ARHGAP10: variants seen among roughly 807,000 people sequenced by gnomAD.
The protein encoded by ARHGAP10 is Rho GTPase activating protein 10.
In ARHGAP10, 87 loss-of-function variants were observed where a neutral mutation model predicts 108.6. That is an observed-to-expected ratio of 0.80 (90% confidence interval 0.67 to 0.96). The LOEUF is 0.96. Ranked by LOEUF, ARHGAP10 falls within the 40% of genes least tolerant of loss-of-function variation. The pLI, the probability that ARHGAP10 is intolerant of heterozygous loss-of-function variation, is 0.00. For missense variants in ARHGAP10, 939 were observed against 954.5 expected (o/e 0.98, Z 0.21); for synonymous variants, 347 against 341.1 (o/e 1.02, Z -0.19).
At chr4:147,795,696 TTTAA>T (rs2126752669) in intron 1 of ARHGAP10, among the ~76,000 whole-genome samples, 1 of 151,238 alleles carries the variant, frequency 6.6e-6, no homozygotes, top group South Asian at 2.1e-4. Flanking sequence ...TTTAATTTAA[TTTAA>T]TTTTTTTTTT....
At chr4:147,827,046 G>A (rs1732736673) in intron 3 of ARHGAP10, among the ~76,000 whole-genome samples, 1 of 152,002 alleles carries the variant, frequency 6.6e-6, no homozygotes, top group African/African-American at 2.4e-5. Flanking sequence ...ATTTGCCTCG[G>A]AAACCTTTAA....
intron 12 of ARHGAP10, among the ~76,000 whole-genome samples, chr4:147,912,861 A>G (rs1244237759): frequency 1.3e-5 from 2 of 151,636 alleles, no homozygotes; most frequent in Non-Finnish European, 2.9e-5. Flanking sequence ...TTCCCCAGGC[A>G]AGTCAGGAAC....
intron 1 of ARHGAP10, among the ~76,000 whole-genome samples, chr4:147,739,770 T>C (rs1728580448): frequency 6.6e-6 from 1 of 151,848 alleles, no homozygotes; most frequent in African/African-American, 2.4e-5. Context: ...AGTTTCGCTT[T>C]TGTTGCCCAG....
At chr4:147,884,861 A>G (rs1201974387) in intron 10 of ARHGAP10, among the ~76,000 whole-genome samples, 2 of 152,338 alleles carry the variant, frequency 1.3e-5, no homozygotes, top group East Asian at 3.9e-4. Flanking sequence ...AACTTAATCC[A>G]TTAAATAGTT....
At chr4:147,919,576 T>C (rs200079677) in intron 13 of ARHGAP10, among the ~76,000 whole-genome samples, 41 of 140,222 alleles carry the variant, frequency 2.9e-4, no homozygotes, top group South Asian at 4.7e-4. Context: ...AATTTTTTTT[T>C]CTTTTTTTTT....
intron 13 of ARHGAP10, among the ~76,000 whole-genome samples, chr4:147,914,567 C>CT (rs1560824096): frequency 1.8e-4 from 9 of 49,876 alleles, no homozygotes; most frequent in African/African-American, 3.8e-4. Flanking sequence ...CCCCCCCCCC[C>CT]CTTTTTTTTT....
intron 7 of ARHGAP10, among the ~76,000 whole-genome samples, chr4:147,868,778 G>A (rs1418690657): frequency 1.3e-5 from 2 of 152,092 alleles, no homozygotes; most frequent in Admixed American, 6.6e-5. Context: ...AGATCCACGT[G>A]CGCAGTTCAC....
Position 147,891,720 on chromosome 4 carries a change from C to T in ARHGAP10, c.1034+9788C>T, listed in dbSNP as rs551238195. ...ATCACTATAAACTATCACTACATGA[C>T]GTCAGCCACATTTCAGAGACCATGG... On this transcript the variant is annotated intron_variant, in intron 10 of 22. Transcript: ENST00000336498. Among the ~76,000 whole-genome samples the T allele has an allele frequency of 6.6e-5, 10 of 152,220 alleles. No homozygotes were observed. In the South Asian group the frequency reaches 1.2e-3, roughly 19 times the overall value.
chr4:148,019,439 A>G (rs1741479632), intron 18 of ARHGAP10, among the ~76,000 whole-genome samples: 1 of 152,148 alleles, frequency 6.6e-6, no homozygotes, highest in Non-Finnish European at 1.5e-5. Context: ...AGAAAATGAG[A>G]TACACTGTGT....
At chr4:147,983,447 A>G (rs1221735532) in intron 18 of ARHGAP10, among the ~76,000 whole-genome samples, 1 of 151,302 alleles carries the variant, frequency 6.6e-6, no homozygotes, top group Non-Finnish European at 1.5e-5. Context: ...CTCCTCCCAA[A>G]GTGCTGGGAT....
chr4:148,017,860 C>G (rs937920350), intron 18 of ARHGAP10, among the ~76,000 whole-genome samples: 2 of 151,982 alleles, frequency 1.3e-5, no homozygotes, highest in African/African-American at 2.4e-5. Context: ...GTATTTCTGG[C>G]AGAAGTGGTG....
chr4:147,876,421 T>C (rs113307102), intron 8 of ARHGAP10, among the ~76,000 whole-genome samples: 7 of 152,100 alleles, frequency 4.6e-5, no homozygotes, highest in African/African-American at 1.7e-4. Context: ...TGAAACCCTG[T>C]CTCTACTAAA....
chr4:147,780,109 A>G (rs1037186075), intron 1 of ARHGAP10, among the ~76,000 whole-genome samples: 8 of 152,216 alleles, frequency 5.3e-5, no homozygotes, highest in African/African-American at 1.9e-4. Context: ...TTTTCAAAGT[A>G]ATATGTGCTC....
At chr4:147,987,744 C>A (rs972060614) in intron 18 of ARHGAP10, among the ~76,000 whole-genome samples, 1 of 152,124 alleles carries the variant, frequency 6.6e-6, no homozygotes, top group African/African-American at 2.4e-5. Flanking sequence ...TGTGCTGGGT[C>A]AGGTGTAGGC....
intron 20 of ARHGAP10, among the ~76,000 whole-genome samples, chr4:148,061,645 C>G (rs1476255903): frequency 6.6e-6 from 1 of 150,548 alleles, no homozygotes; most frequent in Non-Finnish European, 1.5e-5. Flanking sequence ...CCTTTTTTTC[C>G]TGACCAAAGC....
intron 13 of ARHGAP10, among the ~76,000 whole-genome samples, chr4:147,919,623 A>G (rs1285656619): frequency 6.6e-6 from 1 of 151,830 alleles, no homozygotes; most frequent in Non-Finnish European, 1.5e-5. Context: ...CCCAGACTAG[A>G]GTGCAGTGGC....
chr4:147,817,183 C>T lies in ARHGAP10; in HGVS notation c.155-5544C>T, dbSNP rs116994988. On this transcript the variant is annotated intron_variant, in intron 1 of 22. Transcript: ENST00000336498. The stretch of plus-strand genomic sequence containing the variant: ...TTCAAGCCCAGGATTATAGAACATG[C>T]TGCATTTCTAAAAGCATCCCCATTA... 1.7e-3 allele frequency among the ~76,000 whole-genome samples: 259 copies of T among 152,222 alleles called. 7 individuals are homozygous for T. The East Asian group carries it at 0.038, about 22-fold the overall frequency.
chr4:147,823,348 G>C (rs554360592), intron 3 of ARHGAP10, among the ~76,000 whole-genome samples: 21 of 152,196 alleles, frequency 1.4e-4, no homozygotes, highest in Non-Finnish European at 2.8e-4. Flanking sequence ...CAATGTTAGT[G>C]CCTGACTCAT....
intron 13 of ARHGAP10, among the ~76,000 whole-genome samples, chr4:147,915,289 T>G (rs1560824452): frequency 6.6e-6 from 1 of 152,264 alleles, no homozygotes; most frequent in Non-Finnish European, 1.5e-5. Context: ...CAATCTGCAC[T>G]GAAGCTGAGC....
Sources: allele counts gnomAD v4.1 joint callset (sites outside exome capture counted in the v4.1 genomes callset), GRCh38; gene constraint gnomAD v4.1.1; transcripts MANE v1.5; gene names NCBI Gene and HGNC (gene_info 2026-07-23, HGNC 2026-07-21).